Variants in LY6S observed in about 807,000 individuals in gnomAD.
LY6S encodes lymphocyte antigen 6 family member S, also known as lymphocyte antigen 6S.
chr8:143,043,687 C>A, the LY6S span, among the ~76,000 whole-genome samples: 1 of 150,378 alleles, frequency 6.6e-6, no homozygotes, highest in African/African-American at 2.4e-5. Flanking sequence ...TTTTAAATAT[C>A]TTTTTGAGAT....
chr8:143,041,508 C>A, the LY6S span, among the ~76,000 whole-genome samples: 82 of 152,252 alleles, frequency 5.4e-4, no homozygotes, highest in Admixed American at 2.4e-3. Flanking sequence ...ACATGCTCTG[C>A]AAACAATTTG....
the LY6S span, among the ~76,000 whole-genome samples, chr8:143,072,274 C>T: frequency 1.6e-5 from 2 of 128,708 alleles, no homozygotes; most frequent in Non-Finnish European, 1.7e-5. Flanking sequence ...CAGCCGTCGT[C>T]CCCGGGGTTC....
chr8:143,072,277 C>A, the LY6S span, among the ~76,000 whole-genome samples: 12 of 91,786 alleles, frequency 1.3e-4, no homozygotes, highest in South Asian at 1.6e-3. Context: ...CCGTCGTCCC[C>A]GGGGTTCCTG....
At chr8:143,045,184 G>A in the LY6S span, among the ~76,000 whole-genome samples, 3 of 152,192 alleles carry the variant, frequency 2.0e-5, no homozygotes, top group Admixed American at 6.5e-5. The surrounding 1 kb of genome is among the most constrained non-coding windows in gnomAD (Gnocchi z 5.3). Flanking sequence ...CAGCAGGCAC[G>A]CCTTCCGAGC....
the LY6S span, among the ~76,000 whole-genome samples, chr8:143,046,577 CA>C: frequency 0.19 from 14,800 of 75,936 alleles, 1,944 homozygotes; most frequent in African/African-American, 0.43. Flanking sequence ...GACTCCAGCT[CA>C]AAAAAAAAAA....
chr8:143,070,483 A>ATTTTTTTTTT, the LY6S span, among the ~76,000 whole-genome samples: 1 of 85,970 alleles, frequency 1.2e-5, no homozygotes, highest in East Asian at 4.2e-4. Flanking sequence ...ATAAATATAT[A>ATTTTTTTTTT]TATATATTTT....
chr8:143,045,181 C>A, the LY6S span, among the ~76,000 whole-genome samples: 2 of 152,156 alleles, frequency 1.3e-5, no homozygotes, highest in Non-Finnish European at 2.9e-5. This position sits in a 1 kb window ranked among gnomAD's most constrained non-coding sequence, Gnocchi z 5.3. Context: ...CCCCAGCAGG[C>A]ACGCCTTCCG....
At chr8:143,074,475 G>C in the LY6S span, among the ~76,000 whole-genome samples, 4 of 152,078 alleles carry the variant, frequency 2.6e-5, no homozygotes, top group South Asian at 8.3e-4. Context: ...CATCCAATGA[G>C]TTCTTAATTT....
chr8:143,066,446 G>T, the LY6S span: 1 of 202,744 alleles, frequency 4.9e-6, no homozygotes, highest in Non-Finnish European at 1.0e-5. Flanking sequence ...ACAGGTGTGA[G>T]CCACTGCGCC....
the LY6S span, among the ~76,000 whole-genome samples, chr8:143,052,983 G>C: frequency 7.2e-5 from 11 of 152,206 alleles, no homozygotes; most frequent in Non-Finnish European, 1.5e-4. Flanking sequence ...ACGGCTGGCT[G>C]TCCAGGAATA....
At chr8:143,044,844 C>T in the LY6S span, 1 of 1,347,998 alleles carries the variant, frequency 7.4e-7, no homozygotes, top group Non-Finnish European at 9.9e-7. Flanking sequence ...CATGCCAGGA[C>T]ATACACCAAT....
the LY6S span, among the ~76,000 whole-genome samples, chr8:143,068,905 A>G: frequency 6.6e-6 from 1 of 152,038 alleles, no homozygotes; most frequent in South Asian, 2.1e-4. Flanking sequence ...TGGGTCTGAG[A>G]TCTTATGTCC....
At chr8:143,062,654 C>T in the LY6S span, among the ~76,000 whole-genome samples, 1 of 152,124 alleles carries the variant, frequency 6.6e-6, no homozygotes, top group Non-Finnish European at 1.5e-5. Flanking sequence ...GCCTGGGTGA[C>T]AGAGTGAGAC....
the LY6S span, among the ~76,000 whole-genome samples, chr8:143,042,694 C>T: frequency 2.6e-5 from 4 of 152,174 alleles, no homozygotes; most frequent in African/African-American, 7.2e-5. Flanking sequence ...CCTGGGACCA[C>T]GTTCCCTCCT....
At chr8:143,072,275 C>CTCGGGGT in the LY6S span, among the ~76,000 whole-genome samples, 1 of 146,832 alleles carries the variant, frequency 6.8e-6, no homozygotes, top group South Asian at 2.2e-4. Flanking sequence ...AGCCGTCGTC[C>CTCGGGGT]CCGGGGTTCC....
chr8:143,049,011 A>AG, the LY6S span, among the ~76,000 whole-genome samples: 3 of 152,010 alleles, frequency 2.0e-5, no homozygotes, highest in Non-Finnish European at 2.9e-5. Context: ...CCCAGCCAGC[A>AG]GCGGGGGCCA....
chr8:143,076,456 CT>C, the LY6S span, among the ~76,000 whole-genome samples: 1 of 152,218 alleles, frequency 6.6e-6, no homozygotes, highest in East Asian at 1.9e-4. Flanking sequence ...CCAGGGAGAG[CT>C]GTGCATGGAG....
the LY6S span, chr8:143,057,446 C>T: frequency 9.0e-6 from 5 of 556,744 alleles, no homozygotes; most frequent in Non-Finnish European, 1.7e-5. Context: ...AACAGGGTTT[C>T]ACCATATTGG....
the LY6S span, among the ~76,000 whole-genome samples, chr8:143,048,171 C>T: frequency 6.6e-6 from 1 of 152,174 alleles, no homozygotes; most frequent in Non-Finnish European, 1.5e-5. Flanking sequence ...TTGGCTGCCG[C>T]TGGTTTGCCC....
Sources: allele counts gnomAD v4.1 joint callset (sites outside exome capture counted in the v4.1 genomes callset), GRCh38; gene constraint gnomAD v4.1.1; non-coding constraint Gnocchi (gnomAD v3.1); transcripts MANE v1.5; gene names NCBI Gene and HGNC (gene_info 2026-07-23, HGNC 2026-07-21).